Variants in SCLT1 observed in about 807,000 individuals in gnomAD.
The protein encoded by SCLT1 is sodium channel-associated protein 1.
Under a neutral mutation model 112.8 loss-of-function variants are expected in SCLT1, and 78 were observed. The observed-to-expected ratio is 0.69, with a 90% CI of 0.58 to 0.83. SCLT1 has a LOEUF of 0.83. Ranked by LOEUF, SCLT1 falls within the 40% of genes least tolerant of loss-of-function variation. The pLI is 0.00. For missense variants in SCLT1, 747 were observed against 770.4 expected (o/e 0.97, Z 0.36); for synonymous variants, 257 against 254.7 (o/e 1.01, Z -0.09).
chr4:129,062,587 T>C (rs1281858126), intron 2 of SCLT1, among the ~76,000 whole-genome samples: 2 of 152,158 alleles, frequency 1.3e-5, no homozygotes, highest in African/African-American at 2.4e-5. Context: ...CTAGTGGTGA[T>C]GAACTCCCTC....
At chr4:128,978,603 G>A (rs6812361) in intron 9 of SCLT1, among the ~76,000 whole-genome samples, 52,208 of 151,836 alleles carry the variant, frequency 0.34, 11,777 homozygotes, top group African/African-American at 0.64. Context: ...GTCATAAAAG[G>A]TACCAGTAAT....
chr4:129,049,111 C>T (rs201802575), intron 2 of SCLT1, among the ~76,000 whole-genome samples: 41,347 of 151,262 alleles, frequency 0.27, 5,927 homozygotes, highest in South Asian at 0.35. Context: ...ACCATTTGAC[C>T]CAGCCATCGC....
chr4:128,897,153 T>A (rs529256578), intron 18 of SCLT1, among the ~76,000 whole-genome samples: 2 of 151,912 alleles, frequency 1.3e-5, no homozygotes, highest in Non-Finnish European at 1.5e-5. Context: ...CCAACGTTCA[T>A]ATTCAGGAAA....
intron 5 of SCLT1, among the ~76,000 whole-genome samples, chr4:129,033,421 T>G (rs1465196276): frequency 1.4e-5 from 2 of 140,200 alleles, no homozygotes; most frequent in African/African-American, 5.4e-5. Flanking sequence ...GACGGGTTGA[T>G]AGGTGCAGCA....
chr4:129,065,660 T>G (rs1579909347), intron 2 of SCLT1, among the ~76,000 whole-genome samples: 1 of 152,030 alleles, frequency 6.6e-6, no homozygotes, highest in Non-Finnish European at 1.5e-5. Context: ...AAACTCTAAA[T>G]TACAATAAAT....
intron 18 of SCLT1, among the ~76,000 whole-genome samples, chr4:128,895,232 T>C (rs1301943508): frequency 3.3e-5 from 5 of 152,210 alleles, no homozygotes; most frequent in Non-Finnish European, 7.3e-5. Context: ...CTCTAAACCA[T>C]GTATCTCTAG....
At chr4:128,985,536 A>G (rs1237074751) in intron 9 of SCLT1, among the ~76,000 whole-genome samples, 1 of 152,192 alleles carries the variant, frequency 6.6e-6, no homozygotes, top group Non-Finnish European at 1.5e-5. Flanking sequence ...AATTATTCTC[A>G]TTGATACTTA....
intron 5 of SCLT1, among the ~76,000 whole-genome samples, chr4:129,006,340 C>T (rs934271099): frequency 3.3e-5 from 5 of 151,906 alleles, no homozygotes; most frequent in Admixed American, 6.6e-5. Flanking sequence ...GAGTTCGAGA[C>T]CAGCCTGGCC....
At chr4:129,092,237 A>G (rs72927916) in intron 1 of SCLT1, among the ~76,000 whole-genome samples, 2,191 of 152,272 alleles carry the variant, frequency 0.014, 48 homozygotes, top group African/African-American at 0.044. Flanking sequence ...CTACGCCTTC[A>G]ACTGCACTTG....
intron 6 of SCLT1, among the ~76,000 whole-genome samples, chr4:129,000,040 A>T (rs1444617879): frequency 1.3e-5 from 2 of 151,990 alleles, no homozygotes; most frequent in Admixed American, 1.3e-4. Context: ...AGCTAAAATT[A>T]AAATCCTTAA....
At chr4:128,878,070 CAT>C (rs1273793188) in intron 3 of SCLT1, among the ~76,000 whole-genome samples, 13 of 152,148 alleles carry the variant, frequency 8.5e-5, no homozygotes, top group Non-Finnish European at 1.8e-4. Flanking sequence ...CTTAAAATCA[CAT>C]AGTTTCTTGA....
rs556610346 is a variant in SCLT1, at chr4:129,078,184, T to A, written c.102+4122A>T. Reference sequence around the variant, plus strand: ...GTTATAATTCTTCCAAAGAGGACAATCTTGTAAAGGAAGATTTGTCCCTAC... The same window carrying A: ...GTTATAATTCTTCCAAAGAGGACAAACTTGTAAAGGAAGATTTGTCCCTAC... On this transcript the variant is annotated intron_variant, in intron 2 of 20. Transcript: ENST00000281142. Among the ~76,000 whole-genome samples the A allele has an allele frequency of 8.9e-4, 136 of 152,310 alleles. 6 individuals are homozygous for A. The South Asian group carries it at 0.028, about 31-fold the overall frequency.
At chr4:128,956,929 G>A in intron 13 of SCLT1, 97 bp downstream of exon 13, 1 of 654,344 alleles carries the variant, frequency 1.5e-6, no homozygotes, top group Non-Finnish European at 2.6e-6. Flanking sequence ...AACTATGTAG[G>A]CAAGTATTTT....
chr4:128,957,045 G>T lies in SCLT1; in HGVS notation c.1127C>A (p.Thr376Asn). 1 of 1,571,896 alleles carries T rather than the reference G, an allele frequency of 6.4e-7. No homozygotes were observed. The highest frequency in any genetic ancestry group is 1.2e-5 in the South Asian group (1 of 84,478). ...ETVSRFVQDA[T>N]IRTKKEVANT... ...CCTTACTTCTTTCTTGGTTCTTATG[G>T]TAGCATCTTGTACAAACCGAGAAAC... Residue 376 changes from threonine (T) to asparagine (N), a missense_variant, in exon 13 of 21, where the codon ACC becomes AAC. Physicochemically the swap from Thr to Asn is moderately conservative, Grantham distance 65 (BLOSUM62 0). Coordinates refer to ENST00000281142, the MANE Select transcript of SCLT1 (RefSeq NM_144643.4).
intron 18 of SCLT1, among the ~76,000 whole-genome samples, chr4:128,913,025 A>G (rs1167713259): frequency 6.6e-6 from 1 of 152,202 alleles, no homozygotes; most frequent in Non-Finnish European, 1.5e-5. Context: ...TAAATTTAAA[A>G]GCCAAGATTT....
chr4:128,930,081 C>A (rs1736635731), intron 18 of SCLT1, among the ~76,000 whole-genome samples: 3 of 151,958 alleles, frequency 2.0e-5, no homozygotes, highest in African/African-American at 4.8e-5. Context: ...GCCCTAAAAC[C>A]CCTTACTGTT....
chr4:129,078,074 A>C (rs1751613989), intron 2 of SCLT1, among the ~76,000 whole-genome samples: 1 of 152,262 alleles, frequency 6.6e-6, no homozygotes, highest in African/African-American at 2.4e-5. Context: ...GTTACCACTA[A>C]AGAGATAGGA....
chr4:128,980,143 C>T (rs1741518644), intron 9 of SCLT1, among the ~76,000 whole-genome samples: 1 of 152,182 alleles, frequency 6.6e-6, no homozygotes, highest in African/African-American at 2.4e-5. Context: ...AGCACATCTG[C>T]TCAGGGCCAT....
chr4:128,888,051 A>G (rs1427158297), intron 20 of SCLT1, among the ~76,000 whole-genome samples: 1 of 152,230 alleles, frequency 6.6e-6, no homozygotes, highest in African/African-American at 2.4e-5. Flanking sequence ...TATGCTGTCC[A>G]ATGTGATAGC....
Sources: allele counts gnomAD v4.1 joint callset (sites outside exome capture counted in the v4.1 genomes callset), GRCh38; gene constraint gnomAD v4.1.1; transcripts MANE v1.5; gene names NCBI Gene and HGNC (gene_info 2026-07-23, HGNC 2026-07-21).